CALCR: variants seen among roughly 807,000 people sequenced by gnomAD.
CALCR encodes calcitonin receptor.
Under a neutral mutation model 59.5 loss-of-function variants are expected in CALCR, and 47 were observed. The observed-to-expected ratio is 0.79, with a 90% CI of 0.63 to 1.01. The LOEUF (loss-of-function observed/expected upper bound fraction) is 1.01, where lower values mean the gene tolerates loss of function less well. Among genes scored for constraint, CALCR ranks in the 50% least tolerant of loss-of-function variants. The pLI, the probability that CALCR is intolerant of heterozygous loss-of-function variation, is 0.00. For missense variants in CALCR, 566 were observed against 597.1 expected (o/e 0.95, Z 0.54); for synonymous variants, 213 against 211.3 (o/e 1.01, Z -0.07).
intron 2 of CALCR, among the ~76,000 whole-genome samples, chr7:93,556,503 A>G (rs1462590511): frequency 6.6e-6 from 1 of 152,028 alleles, no homozygotes; most frequent in Non-Finnish European, 1.5e-5. Flanking sequence ...TTTGTAATTT[A>G]TTTTATGTGT....
intron 2 of CALCR, among the ~76,000 whole-genome samples, chr7:93,489,281 T>A (rs1801020417): frequency 6.6e-6 from 1 of 151,808 alleles, no homozygotes. Flanking sequence ...AGAGGGAAAT[T>A]TATAGCACTA....
At chr7:93,547,622 G>T (rs1369571154) in intron 2 of CALCR, among the ~76,000 whole-genome samples, 3 of 152,164 alleles carry the variant, frequency 2.0e-5, no homozygotes, top group Non-Finnish European at 4.4e-5. Context: ...GTCCACACAG[G>T]TCAACCATGT....
intron 2 of CALCR, among the ~76,000 whole-genome samples, chr7:93,534,175 T>C (rs958641814): frequency 6.6e-5 from 10 of 151,870 alleles, no homozygotes; most frequent in Admixed American, 5.9e-4. Context: ...TATCAAGTGT[T>C]TGACAACGAT....
chr7:93,527,688 C>T (rs1191069904), intron 2 of CALCR, among the ~76,000 whole-genome samples: 2 of 152,080 alleles, frequency 1.3e-5, no homozygotes, highest in Non-Finnish European at 2.9e-5. Flanking sequence ...CTAGGGATAG[C>T]CCTGCATATA....
intron 2 of CALCR, among the ~76,000 whole-genome samples, chr7:93,542,655 T>A (rs1281150334): frequency 1.3e-5 from 2 of 152,282 alleles, no homozygotes; most frequent in African/African-American, 2.4e-5. Context: ...GGCTCTTTTT[T>A]AACAAAACAG....
At chr7:93,483,098 C>T (rs184005118) in intron 3 of CALCR, among the ~76,000 whole-genome samples, 47 of 151,718 alleles carry the variant, frequency 3.1e-4, no homozygotes, top group African/African-American at 1.1e-3. Flanking sequence ...TTAGGTACTT[C>T]ATATAAAATG....
intron 8 of CALCR, among the ~76,000 whole-genome samples, chr7:93,455,228 GT>G (rs200415446): frequency 2.6e-5 from 4 of 151,602 alleles, no homozygotes; most frequent in African/African-American, 7.3e-5. Context: ...TGTATTGTGG[GT>G]TTTTTTTGAA....
At chr7:93,437,243 A>G (rs993840528) in intron 11 of CALCR, among the ~76,000 whole-genome samples, 1 of 152,142 alleles carries the variant, frequency 6.6e-6, no homozygotes, top group Non-Finnish European at 1.5e-5. Flanking sequence ...TTAGAATTTT[A>G]AATATAGGAA....
At chr7:93,557,347 T>G (rs1789634963) in intron 2 of CALCR, among the ~76,000 whole-genome samples, 1 of 151,946 alleles carries the variant, frequency 6.6e-6, no homozygotes, top group Middle Eastern at 3.4e-3. Context: ...TATGTATACA[T>G]TGTGGAATGG....
intron 2 of CALCR, among the ~76,000 whole-genome samples, chr7:93,492,225 A>T (rs7787125): frequency 0.027 from 4,107 of 151,582 alleles, 206 homozygotes; most frequent in African/African-American, 0.094. Context: ...GAGGGGAACA[A>T]CACACACCAA....
chr7:93,551,003 A>G (rs1473819453), intron 2 of CALCR, among the ~76,000 whole-genome samples: 1 of 152,218 alleles, frequency 6.6e-6, no homozygotes, highest in Non-Finnish European at 1.5e-5. Flanking sequence ...GACATGTATA[A>G]TTTAAATATT....
chr7:93,555,773 T>C (rs1292412474), intron 2 of CALCR, among the ~76,000 whole-genome samples: 5 of 152,148 alleles, frequency 3.3e-5, no homozygotes, highest in Non-Finnish European at 5.9e-5. Flanking sequence ...AAATCATATT[T>C]TTAAAAACAG....
intron 2 of CALCR, among the ~76,000 whole-genome samples, chr7:93,516,992 T>G (rs2116069331): frequency 6.6e-6 from 1 of 151,930 alleles, no homozygotes; most frequent in South Asian, 2.1e-4. Flanking sequence ...GACATTGCGG[T>G]GGCTTTTTGC....
At chr7:93,502,186 A>G (rs1801333281) in intron 2 of CALCR, among the ~76,000 whole-genome samples, 2 of 152,104 alleles carry the variant, frequency 1.3e-5, no homozygotes, top group Admixed American at 1.3e-4. Flanking sequence ...AACTGAATGC[A>G]TATAGAAGCC....
At chr7:93,512,928 T>TGGAA (rs1801576895) in intron 2 of CALCR, among the ~76,000 whole-genome samples, 1 of 152,210 alleles carries the variant, frequency 6.6e-6, no homozygotes, top group Non-Finnish European at 1.5e-5. Context: ...TTATCGTATT[T>TGGAA]AGGAGCTGGC....
intron 8 of CALCR, among the ~76,000 whole-genome samples, chr7:93,449,266 T>C (rs1258642508): frequency 6.6e-6 from 1 of 151,988 alleles, no homozygotes; most frequent in African/African-American, 2.4e-5. Flanking sequence ...TGTGAAGTGA[T>C]GTTTACTTGA....
At chr7:93,523,404 C>T (rs1168816811) in intron 2 of CALCR, among the ~76,000 whole-genome samples, 1 of 152,140 alleles carries the variant, frequency 6.6e-6, no homozygotes, top group Admixed American at 6.5e-5. Context: ...TTCTTGTAAT[C>T]ACTACATTTG....
intron 2 of CALCR, among the ~76,000 whole-genome samples, chr7:93,562,842 A>G (rs1300719470): frequency 1.3e-5 from 2 of 152,186 alleles, no homozygotes; most frequent in Admixed American, 6.6e-5. Flanking sequence ...TTTGAGATCA[A>G]TATTCTTTCT....
chr7:93,552,990 G>A (rs1789502464), intron 2 of CALCR, among the ~76,000 whole-genome samples: 1 of 152,084 alleles, frequency 6.6e-6, no homozygotes. Context: ...CTATGGCAAT[G>A]GTAAAACAAC....
Sources: allele counts gnomAD v4.1 joint callset (sites outside exome capture counted in the v4.1 genomes callset), GRCh38; gene constraint gnomAD v4.1.1; transcripts MANE v1.5; gene names NCBI Gene and HGNC (gene_info 2026-07-23, HGNC 2026-07-21).